The following STXBP5L variants were observed in gnomAD, a reference collection of about 807,000 sequenced individuals.
STXBP5L encodes the protein syntaxin-binding protein 5-like.
A neutral mutation model predicts 144.5 loss-of-function variants in STXBP5L; 65 were observed. That is an observed-to-expected ratio of 0.45 (90% CI 0.37 to 0.55). The LOEUF (loss-of-function observed/expected upper bound fraction) is 0.55. Among genes scored for constraint, STXBP5L ranks in the 20% least tolerant of loss-of-function variants. The pLI is 0.00. For missense variants in STXBP5L, 1,298 were observed against 1,405.5 expected (o/e 0.92, Z 1.22); for synonymous variants, 505 against 469.6 (o/e 1.08, Z -0.97).
At chr3:121,157,784 G>T in intron 9 of STXBP5L, 157 bp downstream of exon 9, 9 of 974,486 alleles carry the variant, frequency 9.2e-6, no homozygotes, top group Non-Finnish European at 1.3e-5. Context: ...TCCCAACATT[G>T]TACCCCAAAC....
chr3:121,259,239 T>A, intron 18 of STXBP5L, 71 bp downstream of exon 18: 1 of 1,251,586 alleles, frequency 8.0e-7, no homozygotes. Flanking sequence ...TGTTCCTTGC[T>A]TAAGTCCTAA....
intron 9 of STXBP5L, among the ~76,000 whole-genome samples, chr3:121,192,453 C>T (rs144084966): frequency 0.099 from 15,102 of 152,086 alleles, 1,178 homozygotes; most frequent in Admixed American, 0.2. Context: ...ACTTTCTTCA[C>T]AGAATTGGAA....
chr3:121,040,672 C>T (rs2107546453), intron 3 of STXBP5L, among the ~76,000 whole-genome samples: 1 of 152,140 alleles, frequency 6.6e-6, no homozygotes, highest in Non-Finnish European at 1.5e-5. Context: ...CCTCCCTAGA[C>T]TGTTAATTCT....
chr3:121,020,000 G>T (rs534877018), intron 3 of STXBP5L, among the ~76,000 whole-genome samples: 30 of 152,232 alleles, frequency 2.0e-4, no homozygotes, highest in Non-Finnish European at 3.4e-4. Flanking sequence ...GAAAGGTGAA[G>T]TCCAACTTAA....
Position 121,381,417 on chromosome 3 carries a change from C to T in STXBP5L, c.2472C>T (p.Thr824=), listed in dbSNP as rs539207434. ...MDSFARKNDS[T]ISPCLFVGTS... ...CCTTTGCACGGAAAAATGACTCTAC[C>T]ATCTCTCCTTGTCTGTTCGTTGGAA... The change falls in exon 22 of 27, where the codon ACC becomes ACT. Residue 824 remains threonine, a synonymous_variant. Transcript: ENST00000471454. The T allele has an allele frequency of 1.8e-4, 284 of 1,609,896 alleles. No homozygotes were observed. Among genetic ancestry groups the T allele is most frequent in the Non-Finnish European group, 2.3e-4 (267 of 1,178,690 alleles).
chr3:121,151,727 T>C (rs2107982863), intron 7 of STXBP5L, among the ~76,000 whole-genome samples: 1 of 152,168 alleles, frequency 6.6e-6, no homozygotes, highest in African/African-American at 2.4e-5. Context: ...TTATTTTTTT[T>C]CCCTAACCAA....
At chr3:121,331,261 G>A (rs1270880176) in intron 20 of STXBP5L, among the ~76,000 whole-genome samples, 1 of 152,184 alleles carries the variant, frequency 6.6e-6, no homozygotes, top group Non-Finnish European at 1.5e-5. Context: ...TCCCCCAACA[G>A]TCAGGCAGCC....
intron 3 of STXBP5L, among the ~76,000 whole-genome samples, chr3:120,956,305 A>G (rs1040612925): frequency 2.6e-5 from 4 of 151,854 alleles, no homozygotes; most frequent in Non-Finnish European, 4.4e-5. Context: ...CTGAAACTCT[A>G]CACCCATTAA....
chr3:121,219,942 AC>A (rs1018862455), intron 10 of STXBP5L, among the ~76,000 whole-genome samples: 4 of 152,176 alleles, frequency 2.6e-5, no homozygotes, highest in African/African-American at 4.8e-5. Context: ...ATTGGAACAA[AC>A]TTTTAATGCT....
chr3:120,977,110 C>G (rs1040031137), intron 3 of STXBP5L, among the ~76,000 whole-genome samples: 4 of 152,200 alleles, frequency 2.6e-5, no homozygotes, highest in Admixed American at 6.5e-5. Context: ...TGTTACCTTT[C>G]TGTCTCATTG....
At chr3:121,025,969 TTAA>T (rs919934075) in intron 3 of STXBP5L, among the ~76,000 whole-genome samples, 91 of 145,664 alleles carry the variant, frequency 6.2e-4, no homozygotes, top group African/African-American at 2.1e-3. Flanking sequence ...GTATAATATA[TTAA>T]TGTTAATAAT....
chr3:121,105,340 G>T (rs1246603817), intron 5 of STXBP5L, among the ~76,000 whole-genome samples: 1 of 151,840 alleles, frequency 6.6e-6, no homozygotes, highest in Non-Finnish European at 1.5e-5. Context: ...AGGTTGCAGT[G>T]AGCCGAGATC....
intron 20 of STXBP5L, chr3:121,356,849 A>G (rs932605202): frequency 1.3e-5 from 2 of 152,534 alleles, no homozygotes; most frequent in African/African-American, 4.8e-5. Context: ...TTTTTAAATG[A>G]AAAGAAGATA....
In STXBP5L at chr3:121,204,668, A is replaced by T. The variant is rs565936161; in HGVS notation, c.878-1255A>T. ...CTATGTAATAGATAATGTATTACAT[A>T]GGTATCTATGTAATAGATAAACAAC... On this transcript the variant is annotated intron_variant, in intron 9 of 26. Coordinates refer to ENST00000471454, the MANE Select transcript of STXBP5L (RefSeq NM_001308330.2). Among the ~76,000 whole-genome samples, 3 of 152,086 alleles carry T rather than the reference A, an allele frequency of 2.0e-5. No homozygotes were observed. The East Asian group carries it at 5.8e-4, about 29-fold the overall frequency.
Position 121,036,046 on chromosome 3 carries a change from T to G in STXBP5L, c.288-5654T>G, listed in dbSNP as rs1025395660. Among the ~76,000 whole-genome samples the G allele has an allele frequency of 2.6e-5, 4 of 152,206 alleles. No homozygotes were observed. The East Asian group carries it at 7.7e-4, about 29-fold the overall frequency. ...GATAGAATTACAATTTATTTAAAAA[T>G]TTGGGGGCTGGGCATGGTGGCTCAC... On this transcript the variant is annotated intron_variant, in intron 3 of 26. Transcript: ENST00000471454.
chr3:121,347,529 A>C (rs2045050659), intron 20 of STXBP5L, among the ~76,000 whole-genome samples: 1 of 152,154 alleles, frequency 6.6e-6, no homozygotes, highest in Non-Finnish European at 1.5e-5. Flanking sequence ...ATGGCATTGA[A>C]TCTATAAATT....
intron 20 of STXBP5L, among the ~76,000 whole-genome samples, chr3:121,376,135 G>C (rs1293311599): frequency 6.6e-6 from 1 of 152,102 alleles, no homozygotes; most frequent in Non-Finnish European, 1.5e-5. Context: ...ACATATTCTA[G>C]CATTTGACAT....
rs145703750 is a variant in STXBP5L at position 121,354,508 on chromosome 3, C to CTTTTT, written c.2177-24191_2177-24187dup. Among the ~76,000 whole-genome samples the CTTTTT allele has an allele frequency of 7.0e-3, 476 of 67,526 alleles. 47 individuals are homozygous for CTTTTT. The highest frequency in any genetic ancestry group is 0.013 in the East Asian group (24 of 1,808). The allele number at this position is 67,526 out of a possible 152,430, so 44.3% of individuals were successfully genotyped here. Reference sequence around the variant, plus strand: ...GTCAGAGGCTAGAATTGCAACCCTGCTTTTTTTTTTTTTTTTTTTTTGCTC... The same window carrying CTTTTT: ...GTCAGAGGCTAGAATTGCAACCCTGCTTTTTTTTTTTTTTTTTTTTTTTTTTGCTC... On this transcript the variant is annotated intron_variant, in intron 20 of 26. Transcript: ENST00000471454.
chr3:120,964,723 G>A (rs901746722), intron 3 of STXBP5L, among the ~76,000 whole-genome samples: 1 of 152,154 alleles, frequency 6.6e-6, no homozygotes, highest in African/African-American at 2.4e-5. Flanking sequence ...AGTGTGATGT[G>A]GTGCTGAAAA....
Sources: gnomAD v4.1 joint callset for allele counts (sites outside exome capture counted in the v4.1 genomes callset) on GRCh38, gnomAD v4.1.1 for gene constraint, MANE v1.5 for transcripts, NCBI Gene and HGNC (gene_info 2026-07-23, HGNC 2026-07-21) for gene names.